SPAG6: variants seen among roughly 807,000 people sequenced by gnomAD.
SPAG6 encodes sperm associated antigen 6, also known as sperm-associated antigen 6.
SPAG6 carries 49 observed loss-of-function variants against 58.5 expected under a neutral mutation model. The ratio of observed to expected loss-of-function variants is 0.84; its 90% confidence interval spans 0.67 to 1.06. The LOEUF (loss-of-function observed/expected upper bound fraction) is 1.06, where lower values mean the gene tolerates loss of function less well. Among genes scored for constraint, SPAG6 ranks in the 50% least tolerant of loss-of-function variants. The pLI is 0.00. For missense variants in SPAG6, 560 were observed against 611.3 expected, an observed-to-expected ratio of 0.92 and a Z score of 0.89; for synonymous variants, 233 against 225.6, an observed-to-expected ratio of 1.03 and a Z score of -0.29.
At chr10:22,360,495 G>A (rs946938795) in intron 2 of SPAG6, among the ~76,000 whole-genome samples, 3 of 150,228 alleles carry the variant, frequency 2.0e-5, no homozygotes, top group African/African-American at 7.3e-5. Context: ...AGTGTTTTCA[G>A]TATAGCACTA....
At chr10:22,388,477 G>T (rs563594974) in intron 6 of SPAG6, among the ~76,000 whole-genome samples, 1 of 152,252 alleles carries the variant, frequency 6.6e-6, no homozygotes, top group African/African-American at 2.4e-5. Flanking sequence ...CAGGTTGGGA[G>T]AAATCACAAA....
intron 8 of SPAG6, among the ~76,000 whole-genome samples, chr10:22,394,484 C>T (rs183249100): frequency 1.3e-5 from 2 of 152,214 alleles, no homozygotes; most frequent in Non-Finnish European, 2.9e-5. Flanking sequence ...ACATGCCATA[C>T]CTTTATCCAT....
At position 22,411,163 on chromosome 10, in the gene SPAG6, G is replaced by A. The variant is rs1239889827; in HGVS notation, c.1447G>A (p.Glu483Lys). The A allele has an allele frequency of 6.8e-6, 11 of 1,607,218 alleles. No homozygotes were observed. Among genetic ancestry groups the A allele is most frequent in the African/African-American group, 1.3e-5 (1 of 74,570 alleles). ...CAACAGTATTAACAGTTGTTACCCC[G>A]AGGAAATAGTGAGGTGGGGAAAATG... ...YINSINSCYP[E>K]EIVRYYSPGY... Residue 483 changes from glutamate (E) to lysine (K), a missense_variant, in exon 10 of 11, where the codon GAG becomes AAG. Coordinates refer to ENST00000376624, the MANE Select transcript of SPAG6 (RefSeq NM_012443.4).
chr10:22,394,737 G>A (rs1834253912), intron 8 of SPAG6, among the ~76,000 whole-genome samples: 1 of 152,116 alleles, frequency 6.6e-6, no homozygotes, highest in South Asian at 2.1e-4. Flanking sequence ...TAGAGATAGG[G>A]TTTCTTTCTG....
intron 7 of SPAG6, among the ~76,000 whole-genome samples, chr10:22,391,210 G>A (rs1354919214): frequency 1.3e-5 from 2 of 152,182 alleles, no homozygotes; most frequent in African/African-American, 4.8e-5. Context: ...TTGATGGAAA[G>A]TTATTTATGT....
At chr10:22,401,023 A>T (rs1834398512) in intron 8 of SPAG6, 138 bp from the exon 9 acceptor site, 1 of 590,050 alleles carries the variant, frequency 1.7e-6, no homozygotes, top group Non-Finnish European at 3.0e-6. Context: ...TTTGGACAAC[A>T]ATTTTAAAAA....
At chr10:22,410,299 G>A (rs542909120) in intron 9 of SPAG6, among the ~76,000 whole-genome samples, 5 of 152,116 alleles carry the variant, frequency 3.3e-5, no homozygotes, top group Non-Finnish European at 7.4e-5. Context: ...TATAGTTTCT[G>A]CCTTCAGTGA....
rs1377515184 is a variant in SPAG6 at position 22,348,039 on chromosome 10, A to G, written c.121+2221A>G. 3.3e-5 allele frequency among the ~76,000 whole-genome samples: 5 copies of G among 151,908 alleles called. No individual in the cohort carries two copies. In the South Asian group the frequency reaches 8.3e-4, roughly 25 times the overall value. On this transcript the variant is annotated intron_variant, in intron 2 of 10. Transcript: ENST00000376624. Reference sequence around the variant, plus strand: ...CAGAGTCTTGCTCTGTTGCCAGGCTAGAGTGCAGTGGCATGATCTCGGCTC... The same window carrying G: ...CAGAGTCTTGCTCTGTTGCCAGGCTGGAGTGCAGTGGCATGATCTCGGCTC...
intron 2 of SPAG6, among the ~76,000 whole-genome samples, chr10:22,354,162 C>T (rs1588634193): frequency 6.6e-6 from 1 of 152,134 alleles, no homozygotes; most frequent in Non-Finnish European, 1.5e-5. Context: ...TTTTAGCAGT[C>T]TTTTGGAGAG....
chr10:22,363,024 C>T (rs540228542), intron 2 of SPAG6, among the ~76,000 whole-genome samples: 5 of 152,142 alleles, frequency 3.3e-5, no homozygotes, highest in Admixed American at 2.0e-4. Flanking sequence ...TTGGAATCCT[C>T]GTAAAATGAT....
intron 8 of SPAG6, among the ~76,000 whole-genome samples, chr10:22,398,570 C>A (rs1261531517): frequency 6.6e-6 from 1 of 151,988 alleles, no homozygotes. Flanking sequence ...CTACAAAAAA[C>A]AAAACAAAAC....
chr10:22,379,473 T>C (rs1431527477), intron 4 of SPAG6, among the ~76,000 whole-genome samples: 6 of 152,222 alleles, frequency 3.9e-5, no homozygotes, highest in African/African-American at 1.4e-4. Flanking sequence ...TCCTCTCTTT[T>C]GAATCACTCA....
chr10:22,388,090 C>A, intron 6 of SPAG6, 94 bp downstream of exon 6: 1 of 995,858 alleles, frequency 1.0e-6, no homozygotes, highest in Non-Finnish European at 1.4e-6. Flanking sequence ...GGGGTTGTGG[C>A]ACATGATCTA....
At chr10:22,392,480 A>C (rs939982785) in intron 8 of SPAG6, among the ~76,000 whole-genome samples, 20 of 152,100 alleles carry the variant, frequency 1.3e-4, no homozygotes, top group African/African-American at 4.6e-4. Flanking sequence ...AAATATTACT[A>C]GCTACTAAAA....
Position 22,394,441 on chromosome 10 carries a change from T to C in SPAG6, c.1197+2521T>C, listed in dbSNP as rs11012982. Reference sequence around the variant, plus strand: ...TCTTACGGTAATAGTTGTTCCCCCTTCATTTTTTAGCAGCTTTATTGAGCT... The same window carrying C: ...TCTTACGGTAATAGTTGTTCCCCCTCCATTTTTTAGCAGCTTTATTGAGCT... On this transcript the variant is annotated intron_variant, in intron 8 of 10. Transcript: ENST00000376624. Among the ~76,000 whole-genome samples the C allele has an allele frequency of 1.5e-3, 231 of 152,342 alleles. 2 individuals carry two copies. Among genetic ancestry groups the C allele is most frequent in the African/African-American group, 5.1e-3 (213 of 41,582 alleles).
At chr10:22,360,786 A>C in intron 2 of SPAG6, 1 of 1,533,022 alleles carries the variant, frequency 6.5e-7, no homozygotes, top group Non-Finnish European at 8.7e-7. Context: ...TGTGGCAACT[A>C]TTCAGACTGC....
intron 2 of SPAG6, among the ~76,000 whole-genome samples, chr10:22,349,211 C>G (rs1836649940): frequency 6.6e-6 from 1 of 151,648 alleles, no homozygotes; most frequent in African/African-American, 2.4e-5. Context: ...CATCTATAAC[C>G]TTGAGGTGTT....
intron 2 of SPAG6, among the ~76,000 whole-genome samples, chr10:22,348,001 T>G (rs1027253213): frequency 1.4e-5 from 2 of 147,208 alleles, no homozygotes; most frequent in Non-Finnish European, 2.9e-5. Flanking sequence ...AACTTTTCTT[T>G]CTTTCTTTGA....
intron 10 of SPAG6, 89 bp downstream of exon 10, chr10:22,411,265 T>C: frequency 8.5e-7 from 1 of 1,172,390 alleles, no homozygotes; most frequent in Non-Finnish European, 1.2e-6. Flanking sequence ...TGTCAAAATG[T>C]GGACTTTGAA....
Sources: gnomAD v4.1 joint callset for allele counts (sites outside exome capture counted in the v4.1 genomes callset) on GRCh38, gnomAD v4.1.1 for gene constraint, MANE v1.5 for transcripts, NCBI Gene and HGNC (gene_info 2026-07-23, HGNC 2026-07-21) for gene names.